Variants in PIK3CD observed in about 807,000 individuals in gnomAD.
The protein encoded by PIK3CD is phosphatidylinositol 4,5-bisphosphate 3-kinase catalytic subunit delta isoform.
In PIK3CD, 20 loss-of-function variants were observed where a neutral mutation model predicts 122.9. The observed-to-expected ratio is 0.16, with a 90% CI of 0.11 to 0.24. The LOEUF (loss-of-function observed/expected upper bound fraction) is 0.24. Among genes scored for constraint, PIK3CD ranks in the 10% least tolerant of loss-of-function variants. The pLI, the probability that PIK3CD is intolerant of heterozygous loss-of-function variation, is 1.00. For synonymous variants in PIK3CD, 596 were observed against 593.4 expected, an observed-to-expected ratio of 1.00 and a Z score of -0.06; for missense variants, 787 against 1,406.3, an observed-to-expected ratio of 0.56 and a Z score of 7.04.
intron 1 of PIK3CD, among the ~76,000 whole-genome samples, chr1:9,675,888 C>T (rs1645515681): frequency 6.6e-6 from 1 of 152,006 alleles, no homozygotes; most frequent in Non-Finnish European, 1.5e-5. Context: ...GCCTCAGCCT[C>T]CTGAGCAGTT....
intron 2 of PIK3CD, among the ~76,000 whole-genome samples, chr1:9,692,530 G>A (rs201708223): frequency 2.0e-5 from 3 of 150,842 alleles, no homozygotes; most frequent in Admixed American, 1.3e-4. Flanking sequence ...TTCGAGACCA[G>A]CCTGGCCAAC....
Position 9,710,848 on chromosome 1 carries a change from C to T in PIK3CD, c.141+252C>T, listed in dbSNP as rs954597477. Among the ~76,000 whole-genome samples the T allele has an allele frequency of 3.3e-5, 5 of 152,170 alleles. No individual in the cohort carries two copies. Among genetic ancestry groups the T allele is most frequent in the African/African-American group, 7.2e-5 (3 of 41,428 alleles). On this transcript the variant is annotated intron_variant, in intron 3 of 23. Coordinates refer to ENST00000377346, the MANE Select transcript of PIK3CD (RefSeq NM_005026.5). This position sits in a 1 kb window ranked among gnomAD's most constrained non-coding sequence, Gnocchi z 4.7. ...TTGCCCAGGCTGGTGTGCAATGGCG[C>T]AATCTCGGCTCACTGCAACCTCCAA...
intron 2 of PIK3CD, among the ~76,000 whole-genome samples, chr1:9,697,039 AG>A (rs911370617): frequency 2.7e-5 from 4 of 147,278 alleles, no homozygotes; most frequent in Non-Finnish European, 6.0e-5. Flanking sequence ...ACTCCAGCCT[AG>A]GGGACAGAGT....
chr1:9,652,076 C>T lies in PIK3CD; in HGVS notation c.-138+274C>T, dbSNP rs1644689937. Among the ~76,000 whole-genome samples, 1 of 151,898 alleles carries T rather than the reference C, an allele frequency of 6.6e-6. No homozygotes were observed. The highest frequency in any genetic ancestry group is 1.5e-5 in the Non-Finnish European group (1 of 67,922). ...CCCGCCGAGAGGGGCGTGCGCAGCT[C>T]CCCGGCGCCTGCACTGCGCGCCTTG... On this transcript the variant is annotated intron_variant, in intron 1 of 23. Transcript: ENST00000377346. The surrounding 1 kb of genome is among the most constrained non-coding windows in gnomAD (Gnocchi z 6.2).
intron 2 of PIK3CD, among the ~76,000 whole-genome samples, chr1:9,708,434 G>A (rs368198252): frequency 3.3e-5 from 5 of 151,970 alleles, no homozygotes; most frequent in Non-Finnish European, 5.9e-5. Flanking sequence ...TGCCTGTGTC[G>A]CCTCCCAAAG....
chr1:9,701,039 C>T (rs937200641), intron 2 of PIK3CD, among the ~76,000 whole-genome samples: 6 of 152,144 alleles, frequency 3.9e-5, no homozygotes, highest in South Asian at 4.1e-4. Flanking sequence ...CCTTCCACAC[C>T]GCAGCCAGCA....
intron 2 of PIK3CD, among the ~76,000 whole-genome samples, chr1:9,697,043 G>T (rs143009326): frequency 0.012 from 1,670 of 143,074 alleles, 14 homozygotes; most frequent in Non-Finnish European, 0.016. Context: ...CAGCCTAGGG[G>T]ACAGAGTAAG....
At chr1:9,629,019 C>T in the PIK3CD span, among the ~76,000 whole-genome samples, 15 of 142,288 alleles carry the variant, frequency 1.1e-4, no homozygotes, top group African/African-American at 3.5e-4. Flanking sequence ...AAGTGAGGGG[C>T]GGGCCTGGGT....
intron 1 of PIK3CD, among the ~76,000 whole-genome samples, chr1:9,684,336 A>G (rs964848172): frequency 1.2e-4 from 18 of 152,136 alleles, no homozygotes; most frequent in African/African-American, 4.3e-4. Context: ...CAGGAGTTCG[A>G]GACCAGCCTG....
At position 9,717,456 on chromosome 1, in the gene PIK3CD, G is replaced by A. The variant is rs1179540673; in HGVS notation, c.931-81G>A. 1 of 1,351,800 alleles carries A rather than the reference G, an allele frequency of 7.4e-7. No homozygotes were observed. The highest frequency in any genetic ancestry group is 1.1e-6 in the Non-Finnish European group (1 of 942,230). The allele number at this position is 1,351,800 out of a possible 1,614,324, so 83.7% of individuals were successfully genotyped here. ...CTGTGACCCTCTCACCCGCCCCCAA[G>A]TGGTCACGGGCCTCACCATAGGCCA... On this transcript the variant is annotated intron_variant, in intron 7 of 23. Coordinates refer to ENST00000377346, the MANE Select transcript of PIK3CD (RefSeq NM_005026.5). The surrounding 1 kb of genome is among the most constrained non-coding windows in gnomAD (Gnocchi z 5.4).
upstream of PIK3CD, among the ~76,000 whole-genome samples, chr1:9,649,650 C>T (rs889476664): frequency 2.0e-5 from 3 of 152,194 alleles, no homozygotes; most frequent in Admixed American, 6.5e-5. Flanking sequence ...CCTCATCTGT[C>T]CAAGGGACCA....
At position 9,727,145 on chromosome 1, in the gene PIK3CD, A is replaced by T. The variant is rs1206859949; in HGVS notation, c.*99A>T. ...GGCTGAAGAGCCTGAACTGCACCTA[A>T]CGGGAAAGAACCGACATGGCTGCCT... On this transcript the variant is annotated 3_prime_UTR_variant, in exon 24 of 24. Transcript: ENST00000377346. 7.4e-7 allele frequency: 1 copy of T among 1,343,978 alleles called. No individual in the cohort carries two copies. Among genetic ancestry groups the T allele is most frequent in the Non-Finnish European group, 1.1e-6 (1 of 945,724 alleles). 83.3% of individuals were successfully genotyped at this position (1,343,978 alleles called of 1,614,324 possible).
rs1192101409 is a variant in PIK3CD at position 9,652,461 on chromosome 1, C to G, written c.-138+659C>G. On this transcript the variant is annotated intron_variant, in intron 1 of 23. Coordinates refer to ENST00000377346, the MANE Select transcript of PIK3CD (RefSeq NM_005026.5). The surrounding 1 kb of genome is among the most constrained non-coding windows in gnomAD (Gnocchi z 6.2). ...CGCCCCGCCTCCCAGTCCCGGGCCT[C>G]CCGCGTTGCTCGCCGCGTTTGCTGC... 1 of 152,236 alleles carries G rather than the reference C, an allele frequency of 6.6e-6. No homozygotes were observed. The highest frequency in any genetic ancestry group is 1.9e-4 in the East Asian group (1 of 5,186). 9.4% of individuals were successfully genotyped at this position (152,236 alleles called of 1,614,324 possible). A position where few individuals can be genotyped will look rare whatever the true frequency, so the allele number is the denominator to read the frequency against.
At chr1:9,667,441 A>G (rs755185691) in intron 1 of PIK3CD, among the ~76,000 whole-genome samples, 3 of 151,722 alleles carry the variant, frequency 2.0e-5, no homozygotes, top group Admixed American at 6.6e-5. Context: ...CAGTGGCGCA[A>G]TCTCGACTCA....
chr1:9,722,651 C>T lies in PIK3CD; in HGVS notation c.2426+45C>T. ...ATCGTCCCTTGGTGTCTGTGCCCAG[C>T]CTGGGAGTCTGTGCCCCTGGAGGGG... On this transcript the variant is annotated intron_variant, in intron 19 of 23. Coordinates refer to ENST00000377346, the MANE Select transcript of PIK3CD (RefSeq NM_005026.5). This position sits in a 1 kb window ranked among gnomAD's most constrained non-coding sequence, Gnocchi z 7.6. The T allele has an allele frequency of 6.6e-7, 1 of 1,510,564 alleles. No individual in the cohort carries two copies. Among genetic ancestry groups the T allele is most frequent in the South Asian group, 1.1e-5 (1 of 88,862 alleles). 93.6% of individuals were successfully genotyped at this position (1,510,564 alleles called of 1,614,324 possible).
intron 23 of PIK3CD, among the ~76,000 whole-genome samples, chr1:9,725,747 C>G (rs537917910): frequency 6.6e-6 from 1 of 150,650 alleles, no homozygotes; most frequent in East Asian, 2.0e-4. Flanking sequence ...TGTGGTGGCA[C>G]GCACCTGTAA....
intron 1 of PIK3CD, among the ~76,000 whole-genome samples, chr1:9,658,804 G>A (rs1338555317): frequency 5.3e-5 from 8 of 152,066 alleles, no homozygotes; most frequent in Non-Finnish European, 1.2e-4. Flanking sequence ...TGCTGGGCCT[G>A]GCCACCAAGC....
At chr1:9,651,363 G>A (rs78787196), upstream of PIK3CD, among the ~76,000 whole-genome samples, 593 of 152,256 alleles carry the variant, frequency 3.9e-3, 1 homozygote, top group Middle Eastern at 0.044. Flanking sequence ...TGGGTGCCTA[G>A]AGCTGCAGGT....
the PIK3CD span, among the ~76,000 whole-genome samples, chr1:9,644,250 A>C: frequency 6.6e-6 from 1 of 152,098 alleles, no homozygotes; most frequent in Non-Finnish European, 1.5e-5. Context: ...GTGGTGGCTC[A>C]CGCCTGGAAT....
Sources: allele counts gnomAD v4.1 joint callset (sites outside exome capture counted in the v4.1 genomes callset), GRCh38; gene constraint gnomAD v4.1.1; non-coding constraint Gnocchi (gnomAD v3.1); transcripts MANE v1.5; gene names NCBI Gene and HGNC (gene_info 2026-07-23, HGNC 2026-07-21).